The following GLP2R variants were observed in gnomAD, a reference collection of about 807,000 sequenced individuals.
The protein encoded by GLP2R is glucagon-like peptide 2 receptor.
Under a neutral mutation model 68.2 loss-of-function variants are expected in GLP2R, and 59 were observed. The ratio of observed to expected loss-of-function variants is 0.87; its 90% CI spans 0.70 to 1.07. The LOEUF (loss-of-function observed/expected upper bound fraction) is 1.07. Among genes scored for constraint, GLP2R ranks in the 50% least tolerant of loss-of-function variants. The pLI is 0.00. For missense variants in GLP2R, 548 were observed against 677.4 expected (o/e 0.81, Z 2.12); for synonymous variants, 270 against 265.4 (o/e 1.02, Z -0.17).
At chr17:9,833,205 A>G (rs1046926692) in intron 1 of GLP2R, among the ~76,000 whole-genome samples, 6 of 152,078 alleles carry the variant, frequency 3.9e-5, no homozygotes, top group Non-Finnish European at 8.8e-5. Flanking sequence ...CAGAGGTTGC[A>G]GTGAGTTGAG....
intron 6 of GLP2R, 45 bp from the exon 7 acceptor site, chr17:9,859,897 T>A: frequency 7.1e-7 from 1 of 1,416,288 alleles, no homozygotes; most frequent in South Asian, 1.5e-5. Context: ...CGGGATCAGA[T>A]GCAGGGGAGC....
At chr17:9,844,147 G>C (rs948351100) in intron 4 of GLP2R, among the ~76,000 whole-genome samples, 6 of 152,226 alleles carry the variant, frequency 3.9e-5, no homozygotes, top group African/African-American at 1.4e-4. Flanking sequence ...CACCTTGAGT[G>C]CTGCTGGGCA....
Position 9,849,302 on chromosome 17 carries a change from G to A in GLP2R, c.505-5193G>A, listed in dbSNP as rs79325064. Among the ~76,000 whole-genome samples, 13 of 151,984 alleles carry A rather than the reference G, an allele frequency of 8.6e-5. No individual in the cohort carries two copies. The East Asian group carries it at 2.1e-3, about 25-fold the overall frequency. ...TTTCTGAAATATTCAAAACTAATTT[G>A]TAGACATCATGAGATTTCACCCCTA... On this transcript the variant is annotated intron_variant, in intron 4 of 12. Coordinates refer to ENST00000262441, the MANE Select transcript of GLP2R (RefSeq NM_004246.3).
intron 1 of GLP2R, among the ~76,000 whole-genome samples, chr17:9,829,719 CAATG>C: frequency 6.6e-6 from 1 of 152,192 alleles, no homozygotes. Flanking sequence ...AAAAGAAAGA[CAATG>C]AATGTGTCTT....
intron 10 of GLP2R, among the ~76,000 whole-genome samples, chr17:9,878,637 A>G (rs4791901): frequency 0.5 from 75,791 of 151,990 alleles, 20,357 homozygotes; most frequent in African/African-American, 0.7. Flanking sequence ...GGTTCACACA[A>G]TCACATGGCC....
intron 11 of GLP2R, among the ~76,000 whole-genome samples, chr17:9,882,624 T>G (rs1224831803): frequency 6.6e-6 from 1 of 152,198 alleles, no homozygotes; most frequent in Non-Finnish European, 1.5e-5. Flanking sequence ...GTTCCCCAAG[T>G]GACATATGGA....
chr17:9,859,092 G>T (rs754448171), intron 6 of GLP2R, among the ~76,000 whole-genome samples: 24 of 151,966 alleles, frequency 1.6e-4, no homozygotes, highest in Non-Finnish European at 2.9e-4. Flanking sequence ...TTTAAAAAAT[G>T]CACTTAAGGC....
At chr17:9,839,915 CCTT>C (rs1384133722) in intron 3 of GLP2R, among the ~76,000 whole-genome samples, 2 of 152,110 alleles carry the variant, frequency 1.3e-5, no homozygotes, top group Admixed American at 1.3e-4. Context: ...ATCCTTTCCT[CCTT>C]CTAGAAGATT....
At position 9,872,699 on chromosome 17, in the gene GLP2R, C is replaced by T. The variant is rs1261491548; in HGVS notation, c.1145+1864C>T. On this transcript the variant is annotated intron_variant, in intron 10 of 12. Transcript: ENST00000262441. Reference sequence around the variant, plus strand: ...CAGGAGGTGGAACGGAGGGAGCTGGCCACGACCCTAGACTTGCCTACTGGC... The same window carrying T: ...CAGGAGGTGGAACGGAGGGAGCTGGTCACGACCCTAGACTTGCCTACTGGC... Among the ~76,000 whole-genome samples, 5 of 152,294 alleles carry T rather than the reference C, an allele frequency of 3.3e-5. No individual in the cohort carries two copies. In the South Asian group the frequency reaches 1.0e-3, roughly 32 times the overall value.
At chr17:9,873,764 C>T (rs1001574813) in intron 10 of GLP2R, among the ~76,000 whole-genome samples, 1 of 151,912 alleles carries the variant, frequency 6.6e-6, no homozygotes, top group Non-Finnish European at 1.5e-5. Context: ...AGAACACATG[C>T]TAATGAATAA....
intron 5 of GLP2R, 70 bp downstream of exon 5, chr17:9,854,671 T>G: frequency 1.1e-6 from 1 of 892,356 alleles, no homozygotes; most frequent in Non-Finnish European, 1.9e-6. Context: ...AGGGGATATG[T>G]TCTAAGAGTT....
At chr17:9,882,568 G>C (rs1386520658) in intron 11 of GLP2R, among the ~76,000 whole-genome samples, 3 of 147,246 alleles carry the variant, frequency 2.0e-5, no homozygotes, top group African/African-American at 7.6e-5. Context: ...AGGGGGTCTG[G>C]TGGAAAGTAA....
intron 9 of GLP2R, among the ~76,000 whole-genome samples, chr17:9,865,597 G>C (rs914019858): frequency 2.6e-5 from 4 of 152,082 alleles, no homozygotes; most frequent in Non-Finnish European, 5.9e-5. Flanking sequence ...TTCCACCATG[G>C]TGTTTCCCTC....
intron 5 of GLP2R, among the ~76,000 whole-genome samples, chr17:9,856,983 G>C (rs547145496): frequency 6.6e-6 from 1 of 151,790 alleles, no homozygotes; most frequent in African/African-American, 2.4e-5. Flanking sequence ...GTGCAGTGGC[G>C]TGATCTAGGC....
chr17:9,841,594 C>T (rs765923609), intron 3 of GLP2R, among the ~76,000 whole-genome samples: 3 of 152,118 alleles, frequency 2.0e-5, no homozygotes, highest in Non-Finnish European at 4.4e-5. Flanking sequence ...ACGGGTTTGC[C>T]ATCCACTGAG....
intron 2 of GLP2R, chr17:9,834,463 A>G (rs2066708839): frequency 6.3e-6 from 1 of 158,972 alleles, no homozygotes. Flanking sequence ...ACTAAATCTG[A>G]ATAGTAACAT....
intron 3 of GLP2R, among the ~76,000 whole-genome samples, chr17:9,838,120 C>T (rs527480144): frequency 6.6e-6 from 1 of 152,076 alleles, no homozygotes; most frequent in East Asian, 1.9e-4. Context: ...CTCGCTGGAT[C>T]GGAGGACTCT....
intron 9 of GLP2R, among the ~76,000 whole-genome samples, chr17:9,865,177 C>G (rs992712213): frequency 6.6e-6 from 1 of 152,104 alleles, no homozygotes; most frequent in Non-Finnish European, 1.5e-5. Context: ...TTGGTGTTCT[C>G]CTAACTTCTG....
intron 9 of GLP2R, chr17:9,866,152 C>T (rs935735357): frequency 1.5e-4 from 51 of 333,138 alleles, no homozygotes; most frequent in African/African-American, 1.1e-3. Flanking sequence ...GTGAAAGAGG[C>T]AGGCTAGGAG....
Sources: allele counts gnomAD v4.1 joint callset (sites outside exome capture counted in the v4.1 genomes callset), GRCh38; gene constraint gnomAD v4.1.1; transcripts MANE v1.5; gene names NCBI Gene and HGNC (gene_info 2026-07-23, HGNC 2026-07-21).